The following ARHGAP8 variants were observed in gnomAD, a reference collection of about 807,000 sequenced individuals.
ARHGAP8 encodes the protein Rho GTPase activating protein 8.
Under a neutral mutation model 46.1 loss-of-function variants are expected in ARHGAP8, and 62 were observed. That is an observed-to-expected ratio of 1.34 (90% CI 1.10 to 1.66). The LOEUF (loss-of-function observed/expected upper bound fraction) is 1.66, where lower values mean the gene tolerates loss of function less well. Ranked by LOEUF, ARHGAP8 falls within the 40% of genes most tolerant of loss-of-function variation. The probability of loss-of-function intolerance (pLI) is 0.00; values close to 1 mark genes in which losing one functional copy is unlikely to be tolerated. For missense variants in ARHGAP8, 923 were observed against 568.4 expected (o/e 1.62, Z -6.34); for synonymous variants, 375 against 243.1 (o/e 1.54, Z -5.05).
At chr22:44,838,296 C>T (rs1270460675) in intron 7 of ARHGAP8, among the ~76,000 whole-genome samples, 1 of 152,168 alleles carries the variant, frequency 6.6e-6, no homozygotes, top group Non-Finnish European at 1.5e-5. Context: ...TGCCACCACA[C>T]CTGGCTAATT....
chr22:44,859,896 C>T lies in ARHGAP8; in HGVS notation c.981+62C>T, dbSNP rs184045643. Reference sequence around the variant, plus strand: ...GTGGCCTTCCCTCCCATGCTGGGCCCGCATGGACCAGTCCCCTCCTTGCCC... The same window carrying T: ...GTGGCCTTCCCTCCCATGCTGGGCCTGCATGGACCAGTCCCCTCCTTGCCC... On this transcript the variant is annotated intron_variant, in intron 11 of 11. Coordinates refer to ENST00000356099, the MANE Select transcript of ARHGAP8 (RefSeq NM_181335.3). 13,942 of 1,566,634 alleles carry T rather than the reference C, an allele frequency of 8.9e-3. 73 individuals carry two copies. Among genetic ancestry groups the T allele is most frequent in the African/African-American group, 0.023 (1,700 of 74,096 alleles).
chr22:44,806,831 G>A (rs745528832), intron 3 of ARHGAP8, among the ~76,000 whole-genome samples: 29 of 152,086 alleles, frequency 1.9e-4, no homozygotes, highest in South Asian at 4.2e-4. Context: ...GGGCGTGGTG[G>A]CAGGCGCCTG....
At chr22:44,812,471 C>A (rs565905606) in intron 4 of ARHGAP8, among the ~76,000 whole-genome samples, 2 of 151,836 alleles carry the variant, frequency 1.3e-5, no homozygotes, top group Non-Finnish European at 1.5e-5. Flanking sequence ...ATTCTCCTGC[C>A]TCAGCCTCCT....
intron 11 of ARHGAP8, among the ~76,000 whole-genome samples, chr22:44,861,260 A>C (rs968391539): frequency 6.6e-6 from 1 of 152,172 alleles, no homozygotes; most frequent in Non-Finnish European, 1.5e-5. Context: ...GGTGTGAGCC[A>C]CTGCACCCAG....
chr22:44,821,624 C>T (rs1930152758), intron 5 of ARHGAP8, among the ~76,000 whole-genome samples: 1 of 152,200 alleles, frequency 6.6e-6, no homozygotes, highest in South Asian at 2.1e-4. Flanking sequence ...TCATGCTGAG[C>T]CTTGTTACTA....
intron 2 of ARHGAP8, among the ~76,000 whole-genome samples, chr22:44,795,039 T>C (rs1200877865): frequency 8.1e-5 from 8 of 99,320 alleles, no homozygotes; most frequent in African/African-American, 1.0e-4. Flanking sequence ...AAACTCTGTC[T>C]CAAAAAAAAA....
In ARHGAP8 at chr22:44,753,488, TG is replaced by T. The variant is rs1195080178; in HGVS notation, c.-72+864del. 4.6e-5 allele frequency among the ~76,000 whole-genome samples: 7 copies of T among 152,110 alleles called. No homozygotes were observed. In the South Asian group the frequency reaches 6.3e-4, roughly 14 times the overall value. ...CGTCTTCCTGGGCCTCCCAAAGTGCTGGGATTACAGTCGTGAGACACCGCGC... is the reference window on the plus strand; with the variant it reads ...CGTCTTCCTGGGCCTCCCAAAGTGCTGGATTACAGTCGTGAGACACCGCGC... On this transcript the variant is annotated intron_variant, in intron 1 of 11. Coordinates refer to ENST00000356099, the MANE Select transcript of ARHGAP8 (RefSeq NM_181335.3).
At chr22:44,839,820 C>T (rs1018845141) in intron 7 of ARHGAP8, among the ~76,000 whole-genome samples, 2 of 152,218 alleles carry the variant, frequency 1.3e-5, no homozygotes, top group Non-Finnish European at 2.9e-5. Flanking sequence ...TAGTGGTTTC[C>T]GACAGCAACC....
In ARHGAP8 at chr22:44,859,692, C is replaced by T. The variant is rs377686798; in HGVS notation, c.878-39C>T. ...GGCCGGGATGCAGCGCTGCCCCTGG[C>T]CCCTCTGGAGCTCAGCAGGGAGCCC... On this transcript the variant is annotated intron_variant, in intron 10 of 11. Transcript: ENST00000356099. The T allele has an allele frequency of 1.3e-5, 21 of 1,605,752 alleles. 1 individual carries two copies. Among genetic ancestry groups the T allele is most frequent in the Admixed American group, 5.0e-5 (3 of 59,876 alleles).
intron 10 of ARHGAP8, among the ~76,000 whole-genome samples, chr22:44,858,874 TTTTCTG>T (rs1225288060): frequency 4.6e-5 from 7 of 151,424 alleles, no homozygotes; most frequent in African/African-American, 1.7e-4. Context: ...GTTGCAAACT[TTTTCTG>T]TAAAAGGCCA....
chr22:44,824,351 G>A (rs1930359101), intron 6 of ARHGAP8, among the ~76,000 whole-genome samples: 1 of 152,216 alleles, frequency 6.6e-6, no homozygotes, highest in Non-Finnish European at 1.5e-5. Flanking sequence ...GCACGTGGTA[G>A]CAGCTCACAC....
At chr22:44,852,696 ACTAC>A (rs2070126888) in intron 10 of ARHGAP8, among the ~76,000 whole-genome samples, 1 of 152,182 alleles carries the variant, frequency 6.6e-6, no homozygotes, top group Non-Finnish European at 1.5e-5. Context: ...GAGTAGGGTG[ACTAC>A]CTAAGTCAGC....
chr22:44,777,727 T>C (rs1926525035), intron 1 of ARHGAP8, among the ~76,000 whole-genome samples: 1 of 152,108 alleles, frequency 6.6e-6, no homozygotes, highest in South Asian at 2.1e-4. Flanking sequence ...CAGAGTTTTG[T>C]TCTTGTCACC....
intron 2 of ARHGAP8, among the ~76,000 whole-genome samples, chr22:44,792,541 G>A (rs896740435): frequency 2.6e-5 from 4 of 152,124 alleles, no homozygotes; most frequent in Admixed American, 6.5e-5. Context: ...CCTCCAGGGC[G>A]TGGCATGGAC....
At chr22:44,824,789 T>A (rs952469868) in intron 6 of ARHGAP8, among the ~76,000 whole-genome samples, 1 of 151,964 alleles carries the variant, frequency 6.6e-6, no homozygotes, top group African/African-American at 2.4e-5. Flanking sequence ...TGCACAACCA[T>A]GCCCAGCTAA....
intron 7 of ARHGAP8, among the ~76,000 whole-genome samples, chr22:44,844,809 A>G (rs1011530958): frequency 6.6e-6 from 1 of 152,210 alleles, no homozygotes; most frequent in African/African-American, 2.4e-5. Flanking sequence ...AAAGTAAGAG[A>G]CAGGTTAACC....
At chr22:44,788,036 C>G (rs1177514250) in intron 2 of ARHGAP8, among the ~76,000 whole-genome samples, 1 of 147,104 alleles carries the variant, frequency 6.8e-6, no homozygotes, top group Non-Finnish European at 1.5e-5. Context: ...CAGGTGCCAA[C>G]AGAAGGAAGG....
chr22:44,859,141 C>G (rs1200142062), intron 10 of ARHGAP8, among the ~76,000 whole-genome samples: 1 of 152,144 alleles, frequency 6.6e-6, no homozygotes, highest in Admixed American at 6.5e-5. Context: ...GGTGGTGCTG[C>G]TGGCTGATAA....
chr22:44,779,982 T>A (rs935947951), intron 1 of ARHGAP8, among the ~76,000 whole-genome samples: 14 of 152,084 alleles, frequency 9.2e-5, no homozygotes, highest in African/African-American at 3.4e-4. Context: ...CCTCAGGGTG[T>A]CAGAGGGAGG....
Sources: gnomAD v4.1 joint callset for allele counts (sites outside exome capture counted in the v4.1 genomes callset) on GRCh38, gnomAD v4.1.1 for gene constraint, MANE v1.5 for transcripts, NCBI Gene and HGNC (gene_info 2026-07-23, HGNC 2026-07-21) for gene names.